PARL: variants seen among roughly 807,000 people sequenced by gnomAD.
PARL encodes presenilin associated rhomboid like.
In PARL, 44 loss-of-function variants were observed where a neutral mutation model predicts 51.6. The ratio of observed to expected loss-of-function variants is 0.85; its 90% confidence interval spans 0.67 to 1.10. The LOEUF (loss-of-function observed/expected upper bound fraction) is 1.10. Among genes scored for constraint, PARL ranks in the 50% least tolerant of loss-of-function variants. The pLI, the probability that PARL is intolerant of heterozygous loss-of-function variation, is 0.00. For synonymous variants in PARL, 172 were observed against 164.0 expected, an observed-to-expected ratio of 1.05 and a Z score of -0.37; for missense variants, 441 against 469.5, an observed-to-expected ratio of 0.94 and a Z score of 0.56.
At chr3:183,833,270 T>C (rs746924662) in intron 9 of PARL, among the ~76,000 whole-genome samples, 11 of 152,108 alleles carry the variant, frequency 7.2e-5, no homozygotes, top group Non-Finnish European at 1.5e-4. Flanking sequence ...AGGTTAAGCG[T>C]AGGGTAAAGG....
At chr3:183,878,030 A>T (rs929044086) in intron 1 of PARL, among the ~76,000 whole-genome samples, 1 of 152,122 alleles carries the variant, frequency 6.6e-6, no homozygotes, top group Non-Finnish European at 1.5e-5. Context: ...AGCTCAAGTG[A>T]TCCACCCGCC....
chr3:183,869,808 C>A (rs1361094960), intron 1 of PARL, among the ~76,000 whole-genome samples: 1 of 152,104 alleles, frequency 6.6e-6, no homozygotes, highest in Non-Finnish European at 1.5e-5. Context: ...CTAACCTGAA[C>A]TTTCTACTCC....
chr3:183,868,991 A>G lies in PARL; in HGVS notation c.126-931T>C, dbSNP rs73177552. ...GCTTGACTTCCTCAAAATATCTAAC[A>G]CTACTGATCATGCCTCCTAGTCCTA... On this transcript the variant is annotated intron_variant, in intron 1 of 9. Coordinates refer to ENST00000317096, the MANE Select transcript of PARL (RefSeq NM_018622.7). 2.4e-3 allele frequency among the ~76,000 whole-genome samples: 364 copies of G among 152,220 alleles called. 2 individuals carry two copies. The highest frequency in any genetic ancestry group is 4.4e-3 in the Non-Finnish European group (298 of 68,004).
chr3:183,831,645 ATG>A (rs1185713516), intron 9 of PARL, among the ~76,000 whole-genome samples: 12 of 152,242 alleles, frequency 7.9e-5, no homozygotes, highest in African/African-American at 2.9e-4. Flanking sequence ...CAACAGTACA[ATG>A]TGAATACTGT....
intron 1 of PARL, among the ~76,000 whole-genome samples, chr3:183,870,385 T>C (rs1241514028): frequency 2.0e-5 from 3 of 151,554 alleles, no homozygotes; most frequent in Non-Finnish European, 4.4e-5. Flanking sequence ...GTCTAGTCCT[T>C]TATCTCATAC....
intron 1 of PARL, among the ~76,000 whole-genome samples, chr3:183,880,253 T>C (rs148872475): frequency 8.6e-4 from 131 of 152,142 alleles, no homozygotes; most frequent in African/African-American, 2.8e-3. Context: ...TTGAGGCATA[T>C]GACAACTCAC....
At chr3:183,863,793 G>C (rs994846199) in intron 3 of PARL, among the ~76,000 whole-genome samples, 1 of 152,082 alleles carries the variant, frequency 6.6e-6, no homozygotes, top group African/African-American at 2.4e-5. Flanking sequence ...TTCGTGTATA[G>C]TGGCACGAAA....
intron 9 of PARL, among the ~76,000 whole-genome samples, chr3:183,831,120 CAT>C (rs1470763538): frequency 2.6e-5 from 4 of 152,096 alleles, no homozygotes; most frequent in African/African-American, 9.7e-5. Flanking sequence ...GTATTACAGG[CAT>C]GCACCACCAC....
At chr3:183,858,185 T>C (rs1323384211) in intron 4 of PARL, among the ~76,000 whole-genome samples, 1 of 152,124 alleles carries the variant, frequency 6.6e-6, no homozygotes, top group Non-Finnish European at 1.5e-5. Context: ...AGAAAAACAG[T>C]GACTGATTCT....
chr3:183,855,655 AC>A (rs1449248803), intron 4 of PARL, among the ~76,000 whole-genome samples: 2 of 152,122 alleles, frequency 1.3e-5, no homozygotes, highest in East Asian at 3.8e-4. Context: ...ATCAGTGGGA[AC>A]CCTGAGCTTG....
Position 183,833,788 on chromosome 3 carries a change from G to T in PARL, c.866C>A (p.Thr289Asn). The change falls in exon 8 of 10, where the codon ACT (threonine) becomes AAT (asparagine). Residue 289 changes from threonine (T) to asparagine (N), a missense_variant. Thr to Asn is a moderately conservative substitution (Grantham distance 65). Coordinates refer to ENST00000317096, the MANE Select transcript of PARL (RefSeq NM_018622.7). ...AIMTVLAAVC[T>N]KIPEGRLAII... ...GGCAAGCCTCCCTTCTGGGATCTTA[G>T]TGCAGACAGCTGCGAGGACTGTCAT... 6.2e-7 allele frequency: 1 copy of T among 1,613,470 alleles called. No homozygotes were observed.
In PARL at chr3:183,882,342, CACAT is replaced by C. The variant is rs200477736; in HGVS notation, c.125+2376_125+2379del. 1.9e-3 allele frequency among the ~76,000 whole-genome samples: 276 copies of C among 141,542 alleles called. 1 individual carries two copies. Among genetic ancestry groups the C allele is most frequent in the African/African-American group, 6.6e-3 (251 of 38,252 alleles). The allele number at this position is 141,542 out of a possible 152,430, so 92.9% of individuals were successfully genotyped here. ...ACACATATATACACATATATACACA[CACAT>C]ATATACATATATGCACATATATACA... On this transcript the variant is annotated intron_variant, in intron 1 of 9. Coordinates refer to ENST00000317096, the MANE Select transcript of PARL (RefSeq NM_018622.7).
At chr3:183,883,573 G>C in intron 1 of PARL, 2 of 984,572 alleles carry the variant, frequency 2.0e-6, no homozygotes, top group Non-Finnish European at 2.4e-6. Flanking sequence ...CGCCCGGCCA[G>C]TATTAATCTT....
At chr3:183,826,760 CAG>C, downstream of PARL, 3 of 985,428 alleles carry the variant, frequency 3.0e-6, no homozygotes, top group Non-Finnish European at 3.6e-6. Flanking sequence ...GGGGCCGGGT[CAG>C]AGTGAACTCT....
intron 1 of PARL, chr3:183,883,749 G>A: frequency 1.0e-6 from 1 of 961,824 alleles, no homozygotes. Context: ...AATTCACCTG[G>A]AATGCTTGTC....
intron 4 of PARL, among the ~76,000 whole-genome samples, chr3:183,855,963 TAAAC>T (rs1447287985): frequency 1.1e-5 from 1 of 94,908 alleles, no homozygotes; most frequent in Non-Finnish European, 2.4e-5. Context: ...CTCAAAAAAA[TAAAC>T]AAACAAAAAA....
At chr3:183,844,080 T>C in intron 5 of PARL, 151 bp downstream of exon 5, 1 of 692,140 alleles carries the variant, frequency 1.4e-6, no homozygotes, top group Non-Finnish European at 2.6e-6. Flanking sequence ...GAGGTCCCTG[T>C]CCTCAGTGAA....
At chr3:183,834,386 C>A (rs1728310155) in intron 7 of PARL, among the ~76,000 whole-genome samples, 1 of 152,160 alleles carries the variant, frequency 6.6e-6, no homozygotes, top group Admixed American at 6.5e-5. Flanking sequence ...TGCACTCCTG[C>A]CTGGGCAACA....
intron 4 of PARL, among the ~76,000 whole-genome samples, chr3:183,858,446 C>A (rs1731409256): frequency 6.6e-6 from 1 of 152,152 alleles, no homozygotes; most frequent in Non-Finnish European, 1.5e-5. Context: ...TTGGAGCTGA[C>A]AAAAAATACA....
Sources: gnomAD v4.1 joint callset for allele counts (sites outside exome capture counted in the v4.1 genomes callset) on GRCh38, gnomAD v4.1.1 for gene constraint, MANE v1.5 for transcripts, NCBI Gene and HGNC (gene_info 2026-07-23, HGNC 2026-07-21) for gene names.